Variants in WDHD1 observed in about 807,000 individuals in gnomAD.
WDHD1 encodes the protein WD repeat and HMG-box DNA binding protein 1, also known as WD repeat and HMG-box DNA-binding protein 1.
Under a neutral mutation model 135.4 loss-of-function variants are expected in WDHD1, and 111 were observed. The observed-to-expected ratio is 0.82, with a 90% CI of 0.70 to 0.96. The LOEUF is 0.96. Ranked by LOEUF, WDHD1 falls within the 40% of genes least tolerant of loss-of-function variation. The pLI is 0.00. For missense variants in WDHD1, 1,351 were observed against 1,336.3 expected (o/e 1.01, Z -0.17); for synonymous variants, 434 against 439.0 (o/e 0.99, Z 0.14).
In WDHD1 at chr14:54,977,100, CAATA is replaced by C. The variant is rs1475448322; in HGVS notation, c.2063+4436_2063+4439del. Among the ~76,000 whole-genome samples the C allele has an allele frequency of 3.3e-5, 5 of 151,250 alleles. No individual in the cohort carries two copies. The East Asian group carries it at 5.8e-4, about 18-fold the overall frequency. ...AAAAATAAGGTTGTTTTTTTTTTGC[CAATA>C]AATAGATGTGTACTCTCTACCAAAT... On this transcript the variant is annotated intron_variant, in intron 16 of 25. Transcript: ENST00000360586.
At position 54,940,243 on chromosome 14, in the gene WDHD1, C is replaced by A. The variant is rs1248616545; in HGVS notation, c.*1247G>T. On this transcript the variant is annotated 3_prime_UTR_variant, in exon 26 of 26. Coordinates refer to ENST00000360586, the MANE Select transcript of WDHD1 (RefSeq NM_007086.4). ...GGGTCACCGGCCCAACATGACCCAA[C>A]TATTAGTAGTAGGTAGAGAAGCGGG... 6.6e-6 allele frequency: 1 copy of A among 152,158 alleles called. No homozygotes were observed. The highest frequency in any genetic ancestry group is 1.5e-5 in the Non-Finnish European group (1 of 68,022). 9.4% of individuals were successfully genotyped at this position (152,158 alleles called of 1,614,324 possible). A position where few individuals can be genotyped will look rare whatever the true frequency, so the allele number is the denominator to read the frequency against.
intron 16 of WDHD1, among the ~76,000 whole-genome samples, chr14:54,977,066 T>C (rs2041536804): frequency 1.3e-5 from 2 of 152,108 alleles, no homozygotes; most frequent in South Asian, 4.1e-4. Context: ...TTCCTATATT[T>C]TAATACAAAA....
chr14:54,988,815 T>A (rs1057068603), intron 13 of WDHD1, among the ~76,000 whole-genome samples: 2 of 152,040 alleles, frequency 1.3e-5, no homozygotes, highest in African/African-American at 4.8e-5. Flanking sequence ...GTCATTTTGC[T>A]ATGTAGTTAG....
At chr14:54,950,754 A>T (rs1443375405) in intron 24 of WDHD1, among the ~76,000 whole-genome samples, 2 of 152,170 alleles carry the variant, frequency 1.3e-5, no homozygotes, top group South Asian at 2.1e-4. Flanking sequence ...GAAGTAAAGC[A>T]CTCCTCAGCA....
intron 2 of WDHD1, 140 bp downstream of exon 2, chr14:55,026,570 TA>T: frequency 1.2e-6 from 1 of 809,214 alleles, no homozygotes; most frequent in Non-Finnish European, 2.0e-6. Flanking sequence ...AACAATAATC[TA>T]AAGAAATATG....
chr14:54,964,622 G>A (rs1021512996), intron 18 of WDHD1, among the ~76,000 whole-genome samples: 5 of 151,632 alleles, frequency 3.3e-5, no homozygotes, highest in Admixed American at 1.3e-4. Flanking sequence ...CTGGGCAACA[G>A]AGCGAGACTT....
chr14:55,012,234 A>C (rs1007248801), intron 3 of WDHD1, among the ~76,000 whole-genome samples: 1 of 152,210 alleles, frequency 6.6e-6, no homozygotes, highest in Non-Finnish European at 1.5e-5. Context: ...CTAATTATAT[A>C]TGATCATTTT....
At chr14:54,967,488 T>C (rs933509640) in intron 16 of WDHD1, 94 bp from the exon 17 acceptor site, 71 of 765,102 alleles carry the variant, frequency 9.3e-5, no homozygotes, top group Non-Finnish European at 1.4e-4. Context: ...TAACTTAGAA[T>C]AGTAATATTA....
chr14:55,023,990 C>A (rs1426440807), intron 2 of WDHD1, among the ~76,000 whole-genome samples: 1 of 152,072 alleles, frequency 6.6e-6, no homozygotes, highest in African/African-American at 2.4e-5. Context: ...ACGCTAGTAT[C>A]TACATAGATT....
intron 2 of WDHD1, among the ~76,000 whole-genome samples, chr14:55,013,963 C>T (rs986813314): frequency 6.6e-6 from 1 of 152,050 alleles, no homozygotes; most frequent in African/African-American, 2.4e-5. Context: ...AATGCTACTT[C>T]TATATTTACC....
chr14:54,965,586 T>A (rs2041327367), intron 18 of WDHD1, among the ~76,000 whole-genome samples: 1 of 152,158 alleles, frequency 6.6e-6, no homozygotes, highest in Non-Finnish European at 1.5e-5. Flanking sequence ...AAACATAGAC[T>A]GATGGGCAAA....
Position 54,944,335 on chromosome 14 carries a change from T to C in WDHD1, c.3186A>G (p.Arg1062=), listed in dbSNP as rs1348523190. The change falls in exon 25 of 26, where the codon AGA becomes AGG. Residue 1062 remains arginine (R), a synonymous_variant. Transcript: ENST00000360586. ...ATCTCGGCACAATTATCCTTACCTT[T>C]CTTTCTTCAGTTGACAATACTCTAA... ...IRFRVLSTEE[R]KVWANKAKGE... is the part of the protein sequence containing the mutation. 1.2e-6 allele frequency: 2 copies of C among 1,600,828 alleles called. No homozygotes were observed. The highest frequency in any genetic ancestry group is 1.8e-5 in the Admixed American group (1 of 55,370).
intron 2 of WDHD1, among the ~76,000 whole-genome samples, chr14:55,022,322 C>T (rs1167715947): frequency 6.6e-6 from 1 of 152,144 alleles, no homozygotes; most frequent in Non-Finnish European, 1.5e-5. Context: ...TAAATAATGG[C>T]AGTTCTGATC....
intron 24 of WDHD1, among the ~76,000 whole-genome samples, chr14:54,954,709 T>C (rs946957384): frequency 1.3e-5 from 2 of 152,212 alleles, no homozygotes; most frequent in African/African-American, 4.8e-5. Flanking sequence ...AGCCTTGCTA[T>C]AGTATAAAGA....
intron 4 of WDHD1, 40 bp downstream of exon 4, chr14:55,010,269 T>C: frequency 6.7e-7 from 1 of 1,489,304 alleles, no homozygotes; most frequent in South Asian, 1.4e-5. Flanking sequence ...AGGCCTTTTG[T>C]TCTAACATTA....
At position 54,940,720 on chromosome 14, in the gene WDHD1, A is replaced by AT. The variant is rs1282369192; in HGVS notation, c.*769dup. On this transcript the variant is annotated 3_prime_UTR_variant, in exon 26 of 26. Coordinates refer to ENST00000360586, the MANE Select transcript of WDHD1 (RefSeq NM_007086.4). ...AATCAGAGTATCCCACCAAGAGCAC[A>AT]TGATGCCTTGGACTGCAATACTGTC... is the stretch of plus-strand genomic sequence containing the variant. The AT allele has an allele frequency of 1.3e-5, 2 of 152,324 alleles. No individual in the cohort carries two copies. The highest frequency in any genetic ancestry group is 6.5e-5 in the Admixed American group (1 of 15,292). The allele number at this position is 152,324 out of a possible 1,614,324, so 9.4% of individuals were successfully genotyped here.
chr14:55,024,131 A>ATT (rs1336713180), intron 2 of WDHD1, among the ~76,000 whole-genome samples: 1 of 152,244 alleles, frequency 6.6e-6, no homozygotes, highest in African/African-American at 2.4e-5. Context: ...AAATCCACGT[A>ATT]TAAGTAGACA....
chr14:54,990,580 AG>A (rs1300625374), intron 12 of WDHD1, among the ~76,000 whole-genome samples: 1 of 150,992 alleles, frequency 6.6e-6, no homozygotes, highest in African/African-American at 2.4e-5. Context: ...TGGGCAACAG[AG>A]CGAGACTCCA....
intron 21 of WDHD1, among the ~76,000 whole-genome samples, chr14:54,960,803 G>T (rs1341897038): frequency 6.7e-6 from 1 of 148,726 alleles, no homozygotes; most frequent in Non-Finnish European, 1.5e-5. Flanking sequence ...ACCACGCCTG[G>T]CCTATTTATT....
Sources: allele counts gnomAD v4.1 joint callset (sites outside exome capture counted in the v4.1 genomes callset), GRCh38; gene constraint gnomAD v4.1.1; transcripts MANE v1.5; gene names NCBI Gene and HGNC (gene_info 2026-07-23, HGNC 2026-07-21).